PLEKHA1: variants seen among roughly 807,000 people sequenced by gnomAD.
PLEKHA1 encodes the protein pleckstrin homology domain containing A1.
A neutral mutation model predicts 52.0 loss-of-function variants in PLEKHA1; 34 were observed. The ratio of observed to expected loss-of-function variants is 0.65; its 90% confidence interval spans 0.50 to 0.87. The LOEUF is 0.87. Among genes scored for constraint, PLEKHA1 ranks in the 40% least tolerant of loss-of-function variants. The pLI, the probability that PLEKHA1 is intolerant of heterozygous loss-of-function variation, is 0.00. For missense variants in PLEKHA1, 497 were observed against 504.2 expected, an observed-to-expected ratio of 0.99 and a Z score of 0.14; for synonymous variants, 163 against 170.7, an observed-to-expected ratio of 0.95 and a Z score of 0.35.
At chr10:122,402,808 CGAAAG>C (rs371323379) in intron 4 of PLEKHA1, among the ~76,000 whole-genome samples, 1 of 152,062 alleles carries the variant, frequency 6.6e-6, no homozygotes, top group African/African-American at 2.4e-5. Context: ...TCCCAGAGAA[CGAAAG>C]GAATGAGGCA....
At chr10:122,402,258 G>C (rs920121230) in intron 4 of PLEKHA1, among the ~76,000 whole-genome samples, 2 of 152,122 alleles carry the variant, frequency 1.3e-5, no homozygotes, top group Admixed American at 1.3e-4. Context: ...AAGATTAGTC[G>C]TTCATTGGTC....
At position 122,429,875 on chromosome 10, in the gene PLEKHA1, TC is replaced by T. The variant is rs750507595; in HGVS notation, c.1153del (p.Gln385ArgfsTer7). On this transcript the variant is annotated frameshift_variant, in exon 12 of 12. Coordinates refer to ENST00000368990, the MANE Select transcript of PLEKHA1 (RefSeq NM_001001974.4). LOFTEE classifies it high-confidence loss of function. ...LLRPQSKNGP[Q>X]EKDCDLVDLD... Reference sequence around the variant, plus strand: ...TAAGACCTCAAAGTAAAAATGGCCCTCAGGAAAAAGATTGTGACCTAGTAGA... The same window carrying T: ...TAAGACCTCAAAGTAAAAATGGCCCTAGGAAAAAGATTGTGACCTAGTAGA... The T allele has an allele frequency of 6.4e-5, 104 of 1,614,018 alleles. No individual in the cohort carries two copies. Among genetic ancestry groups the T allele is most frequent in the Non-Finnish European group, 8.6e-5 (102 of 1,180,030 alleles).
downstream of PLEKHA1, chr10:122,436,963 A>G (rs369037686): frequency 6.8e-6 from 1 of 146,468 alleles, no homozygotes; most frequent in Non-Finnish European, 1.5e-5. Context: ...GGCTGTGGAG[A>G]ACTTTCCATG....
intron 5 of PLEKHA1, among the ~76,000 whole-genome samples, chr10:122,407,751 C>G (rs775966012): frequency 6.6e-6 from 1 of 151,752 alleles, no homozygotes; most frequent in Non-Finnish European, 1.5e-5. Flanking sequence ...GTGTCAATTG[C>G]GTTTTTGTTT....
chr10:122,399,836 T>C (rs1015207445), intron 3 of PLEKHA1, among the ~76,000 whole-genome samples: 2 of 152,046 alleles, frequency 1.3e-5, no homozygotes, highest in Non-Finnish European at 2.9e-5. Flanking sequence ...CCGCCCGCCT[T>C]GGCCTCTCAA....
At chr10:122,375,139 G>A (rs1025325497) in intron 1 of PLEKHA1, among the ~76,000 whole-genome samples, 1 of 151,784 alleles carries the variant, frequency 6.6e-6, no homozygotes, top group Non-Finnish European at 1.5e-5. Flanking sequence ...CGGCGGGGGA[G>A]GGCGGGAGGC....
the PLEKHA1 span, chr10:122,440,667 T>G: frequency 1.3e-5 from 2 of 152,348 alleles, no homozygotes; most frequent in African/African-American, 4.8e-5. Context: ...GCTCTTAAAC[T>G]TTGGCCTAGT....
Position 122,431,944 on chromosome 10 carries a change from A to AT in PLEKHA1, c.*2007dup, listed in dbSNP as rs1466454082. On this transcript the variant is annotated 3_prime_UTR_variant, in exon 12 of 12. Coordinates refer to ENST00000368990, the MANE Select transcript of PLEKHA1 (RefSeq NM_001001974.4). ...AATTTTGGTACAGCTTCCACATTGC[A>AT]TGTTCACTTTAGTATTTGCAATTTG... is the stretch of plus-strand genomic sequence containing the variant. 2.0e-5 allele frequency: 3 copies of AT among 152,230 alleles called. No homozygotes were observed. Among genetic ancestry groups the AT allele is most frequent in the South Asian group, 2.1e-4 (1 of 4,818 alleles). The allele number at this position is 152,230 out of a possible 1,614,324, so 9.4% of individuals were successfully genotyped here.
intron 5 of PLEKHA1, among the ~76,000 whole-genome samples, chr10:122,407,545 C>T (rs2134498310): frequency 6.6e-6 from 1 of 152,260 alleles, no homozygotes; most frequent in South Asian, 2.1e-4. Flanking sequence ...ACAAGAACAG[C>T]CCTCTCCTTA....
intron 1 of PLEKHA1, among the ~76,000 whole-genome samples, chr10:122,383,313 G>GTTTTTTTT (rs58485855): frequency 1.6e-5 from 2 of 128,390 alleles, no homozygotes; most frequent in Non-Finnish European, 1.6e-5. Flanking sequence ...CTTTCTTTCT[G>GTTTTTTTT]TTTTTTTTTT....
chr10:122,438,574 G>A, the PLEKHA1 span: 2 of 152,304 alleles, frequency 1.3e-5, no homozygotes, highest in Non-Finnish European at 2.9e-5. Context: ...AAGTAAGGTG[G>A]GGAAAGGTGT....
intron 5 of PLEKHA1, among the ~76,000 whole-genome samples, chr10:122,407,707 A>G (rs2097042498): frequency 6.6e-6 from 1 of 151,848 alleles, no homozygotes; most frequent in Non-Finnish European, 1.5e-5. Flanking sequence ...CTGCCTGGAA[A>G]ATGTTGGGAA....
rs1194930313 is a variant in PLEKHA1, at chr10:122,393,190, C to T, written c.-11C>T. On this transcript the variant is annotated 5_prime_UTR_variant, in exon 2 of 12. Transcript: ENST00000368990. The surrounding 1 kb of genome is among the most constrained non-coding windows in gnomAD (Gnocchi z 4.5). ...TATTTTTATTTTACAGTGTAATGTT[C>T]AAGCTCAGAAATGCCTTATGTGGAT... 5.6e-6 allele frequency: 9 copies of T among 1,604,602 alleles called. No homozygotes were observed. The highest frequency in any genetic ancestry group is 1.1e-5 in the South Asian group (1 of 88,626).
chr10:122,406,198 G>C (rs2097012125), intron 4 of PLEKHA1, among the ~76,000 whole-genome samples: 1 of 152,192 alleles, frequency 6.6e-6, no homozygotes, highest in Non-Finnish European at 1.5e-5. Context: ...AATGTCAATT[G>C]TCTTTGACCC....
At chr10:122,440,738 A>G in the PLEKHA1 span, 2 of 152,194 alleles carry the variant, frequency 1.3e-5, no homozygotes, top group Admixed American at 1.3e-4. Flanking sequence ...AAAATTTGGA[A>G]GAGATTAGAA....
chr10:122,382,386 T>C (rs1385407334), intron 1 of PLEKHA1, among the ~76,000 whole-genome samples: 1 of 152,218 alleles, frequency 6.6e-6, no homozygotes, highest in African/African-American at 2.4e-5. Context: ...TTGGTTTGTT[T>C]AGAGAGAAGT....
chr10:122,440,290 C>T, the PLEKHA1 span: 2 of 152,202 alleles, frequency 1.3e-5, no homozygotes, highest in Non-Finnish European at 2.9e-5. Context: ...GAAACACTGT[C>T]CTAGTGAATA....
intron 5 of PLEKHA1, among the ~76,000 whole-genome samples, chr10:122,409,654 T>TA (rs1171767132): frequency 2.0e-5 from 3 of 152,202 alleles, no homozygotes; most frequent in African/African-American, 7.2e-5. Flanking sequence ...GTTTGATATA[T>TA]TTTTAATAGA....
At chr10:122,374,924 C>A in intron 1 of PLEKHA1, 118 bp downstream of exon 1, 1 of 153,556 alleles carries the variant, frequency 6.5e-6, no homozygotes, top group Non-Finnish European at 1.5e-5. Context: ...CCCGCTGTGG[C>A]GAGCGGGGAG....
Sources: allele counts gnomAD v4.1 joint callset (sites outside exome capture counted in the v4.1 genomes callset), GRCh38; gene constraint gnomAD v4.1.1; non-coding constraint Gnocchi (gnomAD v3.1); transcripts MANE v1.5; gene names NCBI Gene and HGNC (gene_info 2026-07-23, HGNC 2026-07-21).